The following FAM107A variants were observed in gnomAD, a reference collection of about 807,000 sequenced individuals.
The protein encoded by FAM107A is actin-associated protein FAM107A.
Under a neutral mutation model 13.7 loss-of-function variants are expected in FAM107A, and 19 were observed. The ratio of observed to expected loss-of-function variants is 1.38; its 90% CI spans 0.97 to 2.03. FAM107A has a LOEUF of 2.03. FAM107A is among the 30% of genes most tolerant of loss of function. The pLI is 0.00. For missense variants in FAM107A, 203 were observed against 184.4 expected (o/e 1.10, Z -0.58); for synonymous variants, 82 against 74.5 (o/e 1.10, Z -0.52).
At chr3:58,590,550 G>C (rs915228914), upstream of FAM107A, among the ~76,000 whole-genome samples, 10 of 152,202 alleles carry the variant, frequency 6.6e-5, no homozygotes, top group South Asian at 2.1e-4. Flanking sequence ...TTGGCTCACA[G>C]TTCCAAATGG....
upstream of FAM107A, among the ~76,000 whole-genome samples, chr3:58,582,589 G>C (rs532573767): frequency 7.4e-4 from 112 of 152,308 alleles, no homozygotes; most frequent in Non-Finnish European, 1.4e-3. Flanking sequence ...CATGGACTCT[G>C]GTGCCAACCC....
Position 58,620,721 on chromosome 3 carries a change from C to A in FAM107A, c.-70+6695G>T, listed in dbSNP as rs542913689. 9.8e-5 allele frequency among the ~76,000 whole-genome samples: 15 copies of A among 152,368 alleles called. 1 individual carries two copies. The South Asian group carries it at 3.1e-3, about 32-fold the overall frequency. ...GAGGGTGGGCCGGATGTCCCACTAA[C>A]CCGTTCTCTTGTTGCCTTTGTGCAG... On this transcript the variant is annotated intron_variant, in intron 1 of 3. Transcript: ENST00000465970.
intron 2 of FAM107A, among the ~76,000 whole-genome samples, chr3:58,568,435 A>T (rs1016850829): frequency 5.9e-5 from 9 of 151,996 alleles, no homozygotes; most frequent in Non-Finnish European, 1.3e-4. Flanking sequence ...ACTTCATCTC[A>T]AACAAAAAAA....
upstream of FAM107A, among the ~76,000 whole-genome samples, chr3:58,588,303 C>T (rs1487000383): frequency 6.6e-6 from 1 of 152,228 alleles, no homozygotes; most frequent in African/African-American, 2.4e-5. Flanking sequence ...CACACAGTAC[C>T]ACCTCCCTTT....
At chr3:58,598,621 A>T (rs1335099474) in intron 1 of FAM107A, among the ~76,000 whole-genome samples, 1 of 152,230 alleles carries the variant, frequency 6.6e-6, no homozygotes, top group Non-Finnish European at 1.5e-5. Context: ...ATCCACTGCT[A>T]CTGTAAACAT....
chr3:58,589,192 CG>C, upstream of FAM107A: 1 of 1,513,590 alleles, frequency 6.6e-7, no homozygotes, highest in South Asian at 1.2e-5. Context: ...GGAATTCTAG[CG>C]GGTCTGACTT....
At chr3:58,610,919 T>C (rs1406356508) in intron 1 of FAM107A, among the ~76,000 whole-genome samples, 1 of 152,192 alleles carries the variant, frequency 6.6e-6, no homozygotes, top group Admixed American at 6.5e-5. Flanking sequence ...TCATCTTGAA[T>C]TGTAGTTCCC....
At chr3:58,601,029 G>A (rs376713009) in intron 1 of FAM107A, among the ~76,000 whole-genome samples, 12 of 152,134 alleles carry the variant, frequency 7.9e-5, no homozygotes, top group Admixed American at 5.2e-4. Flanking sequence ...AATAGCGCTC[G>A]TTTTAATATT....
chr3:58,594,090 A>G (rs1251606307), intron 1 of FAM107A, among the ~76,000 whole-genome samples: 1 of 151,610 alleles, frequency 6.6e-6, no homozygotes, highest in Admixed American at 6.6e-5. Flanking sequence ...CACCTTCTCT[A>G]TGCTCTTTCC....
At chr3:58,602,368 A>T (rs1427972142) in intron 1 of FAM107A, among the ~76,000 whole-genome samples, 3 of 152,150 alleles carry the variant, frequency 2.0e-5, no homozygotes, top group Admixed American at 2.0e-4. Flanking sequence ...TCCTGGAGGG[A>T]GTGTTGATAG....
chr3:58,585,732 G>A (rs2065598986), intron 1 of FAM107A, among the ~76,000 whole-genome samples: 1 of 152,198 alleles, frequency 6.6e-6, no homozygotes, highest in African/African-American at 2.4e-5. Context: ...ACGAGATAGC[G>A]TTTCACCTCC....
chr3:58,610,655 A>G (rs1018588218), intron 1 of FAM107A, among the ~76,000 whole-genome samples: 1 of 152,252 alleles, frequency 6.6e-6, no homozygotes, highest in Non-Finnish European at 1.5e-5. Flanking sequence ...TAAGTGCTCA[A>G]TAAATCCATC....
intron 1 of FAM107A, chr3:58,570,282 TAA>T: frequency 1.6e-6 from 1 of 621,894 alleles, no homozygotes; most frequent in Non-Finnish European, 2.0e-6. Flanking sequence ...ATGTACTTGT[TAA>T]AAACAATTTG....
At chr3:58,593,693 C>G (rs977396532) in intron 1 of FAM107A, among the ~76,000 whole-genome samples, 1 of 152,062 alleles carries the variant, frequency 6.6e-6, no homozygotes, top group African/African-American at 2.4e-5. Context: ...TCCCTCCTCA[C>G]CATTTCTAAT....
At chr3:58,576,526 G>A (rs2063732242) in intron 1 of FAM107A, among the ~76,000 whole-genome samples, 2 of 152,226 alleles carry the variant, frequency 1.3e-5, no homozygotes, top group South Asian at 4.1e-4. Context: ...AACTAAGAGG[G>A]CCACTCAGGA....
intron 1 of FAM107A, among the ~76,000 whole-genome samples, chr3:58,619,009 T>C: frequency 6.6e-6 from 1 of 152,190 alleles, no homozygotes. Flanking sequence ...GTTGTGATTT[T>C]TTTTTCCTTG....
In FAM107A at chr3:58,613,391, C is replaced by T. The variant is rs2065872425; in HGVS notation, c.-70+14025G>A. On this transcript the variant is annotated intron_variant, in intron 1 of 3. Coordinates refer to the FAM107A transcript ENST00000465970. This position sits in a 1 kb window ranked among gnomAD's most constrained non-coding sequence, Gnocchi z 4.6. ...GCTGACTCTAGTGAGCTGACCTCAG[C>T]CCTCCCGTGCCAAGATCCTTGGCCT... Among the ~76,000 whole-genome samples, 1 of 152,124 alleles carries T rather than the reference C, an allele frequency of 6.6e-6. No individual in the cohort carries two copies. The highest frequency in any genetic ancestry group is 6.5e-5 in the Admixed American group (1 of 15,282).
At chr3:58,603,318 T>C (rs1427134849) in intron 1 of FAM107A, among the ~76,000 whole-genome samples, 1 of 152,196 alleles carries the variant, frequency 6.6e-6, no homozygotes, top group African/African-American at 2.4e-5. Flanking sequence ...ACACCTACTA[T>C]GTGCCAGGCA....
intron 1 of FAM107A, among the ~76,000 whole-genome samples, chr3:58,622,552 G>T (rs1051683894): frequency 1.3e-5 from 2 of 152,320 alleles, no homozygotes; most frequent in South Asian, 4.1e-4. Context: ...CTCACACCTT[G>T]GGATGGAATA....
Sources: gnomAD v4.1 joint callset for allele counts (sites outside exome capture counted in the v4.1 genomes callset) on GRCh38, gnomAD v4.1.1 for gene constraint, Gnocchi (gnomAD v3.1) non-coding constraint, MANE v1.5 for transcripts, NCBI Gene and HGNC (gene_info 2026-07-23, HGNC 2026-07-21) for gene names.